The following ZC3H7B variants were observed in gnomAD, a reference collection of about 807,000 sequenced individuals.
The protein encoded by ZC3H7B is zinc finger CCCH domain-containing protein 7B.
A neutral mutation model predicts 116.0 loss-of-function variants in ZC3H7B; 35 were observed. The observed-to-expected ratio is 0.30, with a 90% CI of 0.23 to 0.40. ZC3H7B has a LOEUF of 0.40. Ranked by LOEUF, ZC3H7B falls within the 10% of genes least tolerant of loss-of-function variation. The pLI is 1.00. For synonymous variants in ZC3H7B, 502 were observed against 545.6 expected, an observed-to-expected ratio of 0.92 and a Z score of 1.11; for missense variants, 1,011 against 1,321.5, an observed-to-expected ratio of 0.77 and a Z score of 3.64.
chr22:41,345,613 G>A (rs1421749452), intron 13 of ZC3H7B, among the ~76,000 whole-genome samples: 1 of 152,158 alleles, frequency 6.6e-6, no homozygotes, highest in African/African-American at 2.4e-5. Flanking sequence ...TATTTATTTA[G>A]AGACTTGTAT....
intron 14 of ZC3H7B, among the ~76,000 whole-genome samples, chr22:41,347,523 C>T (rs932546673): frequency 6.6e-6 from 1 of 152,186 alleles, no homozygotes; most frequent in East Asian, 1.9e-4. Context: ...TGAACTTGGC[C>T]CCTGTCTCCC....
rs759013135 is a variant in ZC3H7B at position 41,341,160 on chromosome 22, G to A, written c.1197+14G>A. ...CCAGCCCCCTCGGTGAGTGACTTGAGTGGGGATCCAGGCCTCTCATTCCCT... is the reference window on the plus strand; with the variant it reads ...CCAGCCCCCTCGGTGAGTGACTTGAATGGGGATCCAGGCCTCTCATTCCCT... On this transcript the variant is annotated intron_variant, in intron 11 of 22. Transcript: ENST00000352645. 7.1e-5 allele frequency: 115 copies of A among 1,613,822 alleles called. No individual in the cohort carries two copies. The highest frequency in any genetic ancestry group is 9.5e-5 in the Non-Finnish European group (112 of 1,179,892).
rs138512014 is a variant in ZC3H7B, at chr22:41,343,448, G to C, written c.1331G>C (p.Gly444Ala). The change falls in exon 13 of 23, where the codon GGC becomes GCC. Residue 444 changes from glycine to alanine, a missense_variant. By Grantham distance (60) the Gly-to-Ala change is moderately conservative. This residue lies in a region of ZC3H7B where 179 missense variants were observed against 178.5 expected (regional missense o/e 1.00). Coordinates refer to ENST00000352645, the MANE Select transcript of ZC3H7B (RefSeq NM_017590.6). Reference sequence around the variant, plus strand: ...GCTGGCGACTACACCTACCGTGAGGGCCTTGAGCACAAGTGCAAGCGGGAC... The same window carrying C: ...GCTGGCGACTACACCTACCGTGAGGCCCTTGAGCACAAGTGCAAGCGGGAC... ...PRAGDYTYRE[G>A]LEHKCKRDIL... is the part of the protein sequence containing the mutation. The C allele has an allele frequency of 6.2e-7, 1 of 1,613,700 alleles. No homozygotes were observed. Among genetic ancestry groups the C allele is most frequent in the South Asian group, 1.1e-5 (1 of 91,042 alleles).
In ZC3H7B at chr22:41,355,955, T is replaced by C; in HGVS notation, c.2276T>C (p.Leu759Pro). Residue 759 changes from leucine (L) to proline (P), a missense_variant and splice_region_variant, in exon 20 of 23, where the codon CTC becomes CCC. Transcript: ENST00000352645. ...GATCTCCCCACGCCCACCCCACAGCTCTGCATCCATGCACAGAACGGCCGC... is the reference window on the plus strand; with the variant it reads ...GATCTCCCCACGCCCACCCCACAGCCCTGCATCCATGCACAGAACGGCCGC... The part of the protein sequence containing the change: ...SIRNFPQQYD[L>P]CIHAQNGRKC... 6.3e-7 allele frequency: 1 copy of C among 1,588,612 alleles called. No individual in the cohort carries two copies. The highest frequency in any genetic ancestry group is 8.6e-7 in the Non-Finnish European group (1 of 1,166,948).
chr22:41,357,351 G>C lies in ZC3H7B; in HGVS notation c.2856G>C (p.Leu952=), dbSNP rs767958139. The C allele has an allele frequency of 1.9e-6, 3 of 1,613,584 alleles. No homozygotes were observed. Among genetic ancestry groups the C allele is most frequent in the Middle Eastern group, 3.3e-4 (2 of 6,062 alleles). ...ACGACTTTGGCAAATACAACTTCCTGCTGCAAGAGGACGGGGACCTTGCCG... is the reference window on the plus strand; with the variant it reads ...ACGACTTTGGCAAATACAACTTCCTCCTGCAAGAGGACGGGGACCTTGCCG... ...RDDDFGKYNF[L]LQEDGDLAGA... Residue 952 remains leucine, a synonymous_variant, in exon 23 of 23, where the codon CTG becomes CTC. Transcript: ENST00000352645. This position sits in a 1 kb window ranked among gnomAD's most constrained non-coding sequence, Gnocchi z 5.4.
chr22:41,349,106 T>A lies in ZC3H7B; in HGVS notation c.1767-14T>A, dbSNP rs771376625. 3 of 1,612,930 alleles carry A rather than the reference T, an allele frequency of 1.9e-6. No homozygotes were observed. The highest frequency in any genetic ancestry group is 2.5e-6 in the Non-Finnish European group (3 of 1,179,666). On this transcript the variant is annotated splice_polypyrimidine_tract_variant and intron_variant, in intron 15 of 22. Transcript: ENST00000352645. This position sits in a 1 kb window ranked among gnomAD's most constrained non-coding sequence, Gnocchi z 4.9. ...CGGACTGCATCGTGCCCCTCCTGCC[T>A]GCCCGCCCGCCAGGTGCCTGGTGCA... is the stretch of plus-strand genomic sequence containing the variant.
At chr22:41,335,398 CAGA>C (rs1164283214) in intron 7 of ZC3H7B, 2 of 152,302 alleles carry the variant, frequency 1.3e-5, no homozygotes, top group African/African-American at 4.8e-5. Context: ...CAGATGTCAC[CAGA>C]AGGAGTGCCA....
intron 9 of ZC3H7B, among the ~76,000 whole-genome samples, chr22:41,339,492 G>T (rs1211959580): frequency 6.6e-6 from 1 of 152,110 alleles, no homozygotes; most frequent in African/African-American, 2.4e-5. Flanking sequence ...CGGGCATGGT[G>T]GCACATGCCT....
intron 2 of ZC3H7B, among the ~76,000 whole-genome samples, chr22:41,323,907 A>G (rs1231966207): frequency 6.6e-6 from 1 of 152,148 alleles, no homozygotes; most frequent in African/African-American, 2.4e-5. Flanking sequence ...TGTCTCTACT[A>G]AAAATACAAA....
intron 1 of ZC3H7B, among the ~76,000 whole-genome samples, chr22:41,308,992 C>T (rs1569229216): frequency 6.6e-6 from 1 of 150,680 alleles, no homozygotes; most frequent in Admixed American, 6.7e-5. Context: ...AGGGCCTTCC[C>T]TAAACTCCCA....
chr22:41,356,096 C>T (rs1376213811), intron 20 of ZC3H7B, 34 bp downstream of exon 20: 8 of 1,531,966 alleles, frequency 5.2e-6, no homozygotes, highest in African/African-American at 1.4e-5. Context: ...GGGCCCTCCC[C>T]CGGTGTCTCT....
At chr22:41,307,798 A>T (rs1601759373) in intron 1 of ZC3H7B, among the ~76,000 whole-genome samples, 1 of 152,122 alleles carries the variant, frequency 6.6e-6, no homozygotes, top group East Asian at 1.9e-4. Flanking sequence ...GACTAAGTTA[A>T]CACTTCTGAG....
chr22:41,305,437 G>C (rs1043016474), intron 1 of ZC3H7B, among the ~76,000 whole-genome samples: 2 of 151,738 alleles, frequency 1.3e-5, no homozygotes, highest in Non-Finnish European at 1.5e-5. Flanking sequence ...TTGAACCTGG[G>C]GGGTGGAGGT....
intron 2 of ZC3H7B, among the ~76,000 whole-genome samples, chr22:41,321,478 G>C (rs909616804): frequency 1.3e-5 from 2 of 152,022 alleles, no homozygotes; most frequent in East Asian, 3.9e-4. Flanking sequence ...GCCTCCCAAA[G>C]TGCTGGGATT....
At chr22:41,344,963 A>G (rs961495828) in intron 13 of ZC3H7B, among the ~76,000 whole-genome samples, 5 of 151,878 alleles carry the variant, frequency 3.3e-5, no homozygotes, top group Admixed American at 2.6e-4. Context: ...ATGCCACCAC[A>G]CCCAGCTTAT....
chr22:41,311,950 A>C (rs1276809657), intron 1 of ZC3H7B, among the ~76,000 whole-genome samples: 1 of 152,170 alleles, frequency 6.6e-6, no homozygotes, highest in East Asian at 1.9e-4. Flanking sequence ...TAACTAATTT[A>C]ATTCATTTTA....
chr22:41,348,314 C>T lies in ZC3H7B; in HGVS notation c.1766+147C>T, dbSNP rs540640159. The stretch of plus-strand genomic sequence containing the variant: ...AGAATTTGGGAATCAAATCCAGCCT[C>T]CACCTGGAAAGGATGAGAATCACAT... On this transcript the variant is annotated intron_variant, in intron 15 of 22. Coordinates refer to ENST00000352645, the MANE Select transcript of ZC3H7B (RefSeq NM_017590.6). 1.2e-5 allele frequency: 8 copies of T among 657,548 alleles called. No homozygotes were observed. The East Asian group carries it at 1.9e-4, about 16-fold the overall frequency. The allele number at this position is 657,548 out of a possible 1,614,324, so 40.7% of individuals were successfully genotyped here.
At chr22:41,303,370 G>A (rs531911288) in intron 1 of ZC3H7B, among the ~76,000 whole-genome samples, 3 of 152,336 alleles carry the variant, frequency 2.0e-5, no homozygotes, top group East Asian at 1.9e-4. Flanking sequence ...GGTTAGACAG[G>A]AATGGGGGTT....
rs748433698 is a variant in ZC3H7B at position 41,357,318 on chromosome 22, A to C, written c.2823A>C (p.Pro941=). 50 of 1,613,644 alleles carry C rather than the reference A, an allele frequency of 3.1e-5. No homozygotes were observed. The highest frequency in any genetic ancestry group is 3.9e-5 in the Non-Finnish European group (46 of 1,179,980). Residue 941 remains proline, a synonymous_variant, in exon 23 of 23, where the codon CCA becomes CCC. Coordinates refer to ENST00000352645, the MANE Select transcript of ZC3H7B (RefSeq NM_017590.6). This position sits in a 1 kb window ranked among gnomAD's most constrained non-coding sequence, Gnocchi z 5.4. ...AKARKDMLLC[P]RDDDFGKYNF... is the part of the protein sequence containing the mutation. Reference sequence around the variant, plus strand: ...CTCGCAAGGACATGCTGCTGTGCCCACGGGACGACGACTTTGGCAAATACA... The same window carrying C: ...CTCGCAAGGACATGCTGCTGTGCCCCCGGGACGACGACTTTGGCAAATACA...
Sources: allele counts gnomAD v4.1 joint callset (sites outside exome capture counted in the v4.1 genomes callset), GRCh38; gene constraint gnomAD v4.1.1; regional missense constraint gnomAD v4.1.1; non-coding constraint Gnocchi (gnomAD v3.1); transcripts MANE v1.5; gene names NCBI Gene and HGNC (gene_info 2026-07-23, HGNC 2026-07-21).